The following PLXNA2 variants were observed in gnomAD, a reference collection of about 807,000 sequenced individuals.
PLXNA2 encodes the protein plexin A2.
A neutral mutation model predicts 193.5 loss-of-function variants in PLXNA2; 91 were observed. The observed-to-expected ratio is 0.47, with a 90% CI of 0.40 to 0.56. PLXNA2 has a LOEUF of 0.56. Among genes scored for constraint, PLXNA2 ranks in the 20% least tolerant of loss-of-function variants. The probability of loss-of-function intolerance (pLI) is 0.00; values close to 1 mark genes in which losing one functional copy is unlikely to be tolerated. For synonymous variants in PLXNA2, 997 were observed against 1,027.3 expected (o/e 0.97, Z 0.56); for missense variants, 1,995 against 2,503.2 (o/e 0.80, Z 4.33).
intron 1 of PLXNA2, among the ~76,000 whole-genome samples, chr1:208,227,677 T>G (rs904188796): frequency 6.6e-6 from 1 of 152,172 alleles, no homozygotes; most frequent in Admixed American, 6.5e-5. Flanking sequence ...GAGTCCTGGT[T>G]ATCAAGCACC....
intron 3 of PLXNA2, among the ~76,000 whole-genome samples, chr1:208,184,892 C>T (rs1669950405): frequency 6.6e-6 from 1 of 152,188 alleles, no homozygotes; most frequent in Non-Finnish European, 1.5e-5. Context: ...GGCAAGCCTC[C>T]CAGTTCCTCT....
intron 27 of PLXNA2, among the ~76,000 whole-genome samples, chr1:208,033,925 G>C (rs1197392355): frequency 6.6e-6 from 1 of 152,220 alleles, no homozygotes; most frequent in Non-Finnish European, 1.5e-5. Flanking sequence ...GGGGCCTGGG[G>C]TATGGGATTT....
chr1:208,078,779 G>A (rs1356129444), intron 12 of PLXNA2, among the ~76,000 whole-genome samples: 9 of 152,132 alleles, frequency 5.9e-5, no homozygotes, highest in East Asian at 1.9e-4. Context: ...AAATTGGGAC[G>A]GGGAGTAAAT....
chr1:208,087,446 G>A (rs1666568129), intron 9 of PLXNA2, among the ~76,000 whole-genome samples: 1 of 151,362 alleles, frequency 6.6e-6, no homozygotes, highest in Non-Finnish European at 1.5e-5. Context: ...ATTTCCCATG[G>A]TCTGCTGTTT....
rs563489185 is a variant in PLXNA2, at chr1:208,052,301, C to G, written c.2993+26G>C. 3.7e-6 allele frequency: 6 copies of G among 1,609,896 alleles called. No individual in the cohort carries two copies. In the East Asian group the frequency reaches 1.3e-4, roughly 36 times the overall value. On this transcript the variant is annotated intron_variant, in intron 15 of 31. Transcript: ENST00000367033. ...GCACATGTCCCAGATGTGCAGTCTT[C>G]TGGTGGCCCTTCAAGTTTATCTCAC...
intron 4 of PLXNA2, among the ~76,000 whole-genome samples, chr1:208,129,573 T>A (rs1668084406): frequency 6.6e-6 from 1 of 152,230 alleles, no homozygotes; most frequent in African/African-American, 2.4e-5. Context: ...CCAAACTCTC[T>A]CACACTCCCA....
chr1:208,103,699 A>G lies in PLXNA2; in HGVS notation c.1507-452T>C, dbSNP rs2296731. ...GGAGAAACTTTTCCCATCAAATAAT[A>G]TTCATAGTATGGTACAGACTCTTTA... On this transcript the variant is annotated intron_variant, in intron 4 of 31. Transcript: ENST00000367033. 8.1e-4 allele frequency among the ~76,000 whole-genome samples: 123 copies of G among 152,342 alleles called. 2 individuals carry two copies. Among genetic ancestry groups the G allele is most frequent in the Middle Eastern group, 3.4e-3 (1 of 294 alleles).
chr1:208,171,847 C>T (rs1669504126), intron 3 of PLXNA2, among the ~76,000 whole-genome samples: 1 of 151,808 alleles, frequency 6.6e-6, no homozygotes, highest in African/African-American at 2.4e-5. Context: ...CAGTGAGACC[C>T]TGTATAAAAA....
At chr1:208,092,944 G>C (rs933600733) in intron 8 of PLXNA2, 44 bp from the exon 9 acceptor site, 12 of 1,341,726 alleles carry the variant, frequency 8.9e-6, no homozygotes, top group Non-Finnish European at 1.1e-5. Flanking sequence ...AGAGAACAAA[G>C]AGGGAAGGTG....
intron 3 of PLXNA2, among the ~76,000 whole-genome samples, chr1:208,158,351 C>G (rs535796295): frequency 1.3e-5 from 2 of 152,296 alleles, no homozygotes; most frequent in Admixed American, 1.3e-4. Flanking sequence ...TGTGCTGTCT[C>G]TACTTCTTTC....
chr1:208,068,513 G>C (rs768772617), intron 12 of PLXNA2, among the ~76,000 whole-genome samples: 1 of 152,118 alleles, frequency 6.6e-6, no homozygotes, highest in Non-Finnish European at 1.5e-5. Context: ...CCTTTTCACC[G>C]AAGATCTTGG....
chr1:208,103,563 G>T (rs1218675226), intron 4 of PLXNA2, among the ~76,000 whole-genome samples: 5 of 152,194 alleles, frequency 3.3e-5, no homozygotes, highest in Non-Finnish European at 4.4e-5. Flanking sequence ...TACTGAAAAT[G>T]GTTAACTCTG....
rs1156305063 is a variant in PLXNA2 at position 208,038,837 on chromosome 1, C to T, written c.4648G>A (p.Asp1550Asn). 6 of 1,613,896 alleles carry T rather than the reference C, an allele frequency of 3.7e-6. No individual in the cohort carries two copies. The South Asian group carries it at 5.5e-5, about 15-fold the overall frequency. The change falls in exon 25 of 32, where the codon GAC becomes AAC. Residue 1550 changes from aspartate (D) to asparagine (N), a missense_variant. Physicochemically the swap from Asp to Asn is conservative, Grantham distance 23. Transcript: ENST00000367033. This position sits in a 1 kb window ranked among gnomAD's most constrained non-coding sequence, Gnocchi z 4.1. ...VPYSQRPRAV[D>N]MDLEWRQGRI... ...CCAGGTTTCCTACCCAAGTCCATGT[C>T]CACTGCCCTCGGCCGCTGGGAATAG...
At chr1:208,096,509 A>G (rs1428811366) in intron 7 of PLXNA2, among the ~76,000 whole-genome samples, 1 of 152,212 alleles carries the variant, frequency 6.6e-6, no homozygotes, top group Non-Finnish European at 1.5e-5. Context: ...CTATCTGGAA[A>G]GACGCTGTGT....
intron 9 of PLXNA2, 48 bp downstream of exon 9, chr1:208,092,738 A>T (rs1458125387): frequency 7.5e-7 from 1 of 1,337,914 alleles, no homozygotes; most frequent in African/African-American, 1.4e-5. Context: ...GGGAGGGGCC[A>T]CTCAGACTCA....
intron 3 of PLXNA2, among the ~76,000 whole-genome samples, chr1:208,186,876 C>G (rs891808863): frequency 1.1e-3 from 167 of 150,872 alleles, no homozygotes; most frequent in African/African-American, 3.2e-3. Context: ...CCCGCCACCG[C>G]GCCCGGCTAA....
At chr1:208,199,199 G>A (rs1242505054) in intron 3 of PLXNA2, among the ~76,000 whole-genome samples, 1 of 152,160 alleles carries the variant, frequency 6.6e-6, no homozygotes, top group Non-Finnish European at 1.5e-5. Flanking sequence ...GCAGGTTCTG[G>A]TAAGATCCCT....
intron 3 of PLXNA2, among the ~76,000 whole-genome samples, chr1:208,158,558 C>G (rs1026779814): frequency 1.3e-5 from 2 of 152,180 alleles, no homozygotes; most frequent in African/African-American, 4.8e-5. Context: ...GACTTTCATT[C>G]TAATCCCAGT....
chr1:208,040,210 C>T, intron 22 of PLXNA2, 152 bp from the exon 23 acceptor site: 1 of 635,450 alleles, frequency 1.6e-6, no homozygotes, highest in Non-Finnish European at 2.8e-6. Context: ...CCAGCTCACC[C>T]AGTAACTAGA....
Sources: allele counts gnomAD v4.1 joint callset (sites outside exome capture counted in the v4.1 genomes callset), GRCh38; gene constraint gnomAD v4.1.1; non-coding constraint Gnocchi (gnomAD v3.1); transcripts MANE v1.5; gene names NCBI Gene and HGNC (gene_info 2026-07-23, HGNC 2026-07-21).